Variants in NELL1 observed in about 807,000 individuals in gnomAD.
NELL1 encodes protein kinase C-binding protein NELL1.
A neutral mutation model predicts 107.4 loss-of-function variants in NELL1; 76 were observed. That is an observed-to-expected ratio of 0.71 (90% CI 0.59 to 0.86). The LOEUF is 0.86. Among genes scored for constraint, NELL1 ranks in the 40% least tolerant of loss-of-function variants. The pLI is 0.00. For missense variants in NELL1, 1,024 were observed against 1,005.5 expected (o/e 1.02, Z -0.25); for synonymous variants, 353 against 341.2 (o/e 1.03, Z -0.38).
chr11:21,118,347 G>A (rs1299034342), intron 13 of NELL1, among the ~76,000 whole-genome samples: 1 of 151,988 alleles, frequency 6.6e-6, no homozygotes, highest in Non-Finnish European at 1.5e-5. Flanking sequence ...CCAGATTCAA[G>A]GACCTTCATT....
chr11:21,157,633 A>G (rs1214495681), intron 13 of NELL1, among the ~76,000 whole-genome samples: 2 of 152,134 alleles, frequency 1.3e-5, no homozygotes, highest in African/African-American at 4.8e-5. Flanking sequence ...TTGAATTCCT[A>G]TTTCTGGCAT....
intron 5 of NELL1, among the ~76,000 whole-genome samples, chr11:20,902,856 CA>C (rs1164074429): frequency 2.0e-5 from 3 of 151,894 alleles, no homozygotes; most frequent in Non-Finnish European, 4.4e-5. Flanking sequence ...GATAAAATTA[CA>C]GTATTAAATC....
rs146296836 is a variant in NELL1, at chr11:21,137,257, G to T, written c.1426+23543G>T. Among the ~76,000 whole-genome samples the T allele has an allele frequency of 4.8e-3, 737 of 152,340 alleles. 5 individuals carry two copies. The highest frequency in any genetic ancestry group is 0.016 in the African/African-American group (659 of 41,580). On this transcript the variant is annotated intron_variant, in intron 13 of 19. Coordinates refer to ENST00000357134, the MANE Select transcript of NELL1 (RefSeq NM_006157.5). ...TTAGAGAAAAGGGTATACGACCAGT[G>T]TCCTGGAGGAGAACCCCATGTAGAG... is the stretch of plus-strand genomic sequence containing the variant.
chr11:20,954,406 G>C (rs999326411), intron 11 of NELL1, among the ~76,000 whole-genome samples: 6 of 151,980 alleles, frequency 3.9e-5, no homozygotes, highest in African/African-American at 1.5e-4. Flanking sequence ...ACAGTTTTTT[G>C]TTATCTTGAA....
At chr11:21,393,475 G>A (rs1851922431) in intron 15 of NELL1, among the ~76,000 whole-genome samples, 1 of 151,780 alleles carries the variant, frequency 6.6e-6, no homozygotes, top group South Asian at 2.1e-4. Flanking sequence ...AAAATTCTGT[G>A]GCTGATGAGC....
At chr11:20,729,120 T>C (rs1855571685) in intron 2 of NELL1, among the ~76,000 whole-genome samples, 1 of 87,558 alleles carries the variant, frequency 1.1e-5, no homozygotes, top group Non-Finnish European at 2.4e-5. Context: ...ATTATTGGTA[T>C]ATAAAAATGC....
intron 15 of NELL1, among the ~76,000 whole-genome samples, chr11:21,463,393 A>G (rs1220227840): frequency 6.6e-6 from 1 of 152,134 alleles, no homozygotes; most frequent in Non-Finnish European, 1.5e-5. Flanking sequence ...CTCATCAATC[A>G]GGGTCAAAGA....
At chr11:21,298,954 C>T (rs1849434943) in intron 14 of NELL1, among the ~76,000 whole-genome samples, 3 of 151,926 alleles carry the variant, frequency 2.0e-5, no homozygotes, top group South Asian at 4.1e-4. Context: ...CTAGAGCACT[C>T]CAGAAGTGGG....
intron 19 of NELL1, 137 bp from the exon 20 acceptor site, chr11:21,574,834 AT>A (rs1161019873): frequency 8.8e-6 from 6 of 680,248 alleles, no homozygotes; most frequent in Admixed American, 2.7e-5. Flanking sequence ...TTTTCCTAGC[AT>A]TTTTTTCTAG....
chr11:21,360,165 C>G (rs1851040512), intron 14 of NELL1, among the ~76,000 whole-genome samples: 1 of 151,940 alleles, frequency 6.6e-6, no homozygotes, highest in Non-Finnish European at 1.5e-5. Flanking sequence ...TTTGCTGTAT[C>G]CTAGAGATTC....
At chr11:21,110,328 G>A (rs765097239) in intron 12 of NELL1, among the ~76,000 whole-genome samples, 6 of 152,148 alleles carry the variant, frequency 3.9e-5, no homozygotes, top group East Asian at 1.9e-4. Flanking sequence ...TCAATGACAT[G>A]TAGAGAGCAA....
At chr11:21,188,683 G>C (rs1395128212) in intron 13 of NELL1, among the ~76,000 whole-genome samples, 1 of 151,824 alleles carries the variant, frequency 6.6e-6, no homozygotes. Flanking sequence ...AAGAACAGAT[G>C]TGCAAATTAG....
At chr11:20,675,093 A>T (rs1590196408) in intron 1 of NELL1, among the ~76,000 whole-genome samples, 2 of 152,124 alleles carry the variant, frequency 1.3e-5, no homozygotes, top group South Asian at 4.2e-4. Flanking sequence ...GGACCAGTGG[A>T]CCAGCCGGGA....
At chr11:21,245,734 TAA>T (rs143336934) in intron 14 of NELL1, among the ~76,000 whole-genome samples, 2,313 of 152,266 alleles carry the variant, frequency 0.015, 62 homozygotes, top group African/African-American at 0.053. Flanking sequence ...AAACATGCAA[TAA>T]AATAGTTGTG....
At chr11:21,425,630 T>A (rs149956141) in intron 15 of NELL1, among the ~76,000 whole-genome samples, 371 of 152,252 alleles carry the variant, frequency 2.4e-3, no homozygotes, top group African/African-American at 8.2e-3. Context: ...AGGAAACCAA[T>A]TGTGCTATAG....
At chr11:21,463,578 T>C (rs1031797725) in intron 15 of NELL1, among the ~76,000 whole-genome samples, 9 of 152,074 alleles carry the variant, frequency 5.9e-5, no homozygotes, top group East Asian at 1.9e-4. Flanking sequence ...TTTGACAGAG[T>C]ATCCCCTAAT....
chr11:21,549,936 C>G (rs1484539311), intron 16 of NELL1, among the ~76,000 whole-genome samples: 1 of 151,590 alleles, frequency 6.6e-6, no homozygotes, highest in East Asian at 2.0e-4. Flanking sequence ...AAGAGTGAGG[C>G]AGGGGCTTCA....
intron 3 of NELL1, among the ~76,000 whole-genome samples, chr11:20,818,563 A>T (rs1857678807): frequency 6.6e-6 from 1 of 152,184 alleles, no homozygotes. Flanking sequence ...GACATTTAAT[A>T]TTTGAACTGG....
rs879796518 is a variant in NELL1 at position 21,372,279 on chromosome 11, G to GA, written c.1645+1341dup. On this transcript the variant is annotated intron_variant, in intron 15 of 19. Coordinates refer to ENST00000357134, the MANE Select transcript of NELL1 (RefSeq NM_006157.5). ...TAATTTTAAGTAGGTTTTTTAAAATGAAAAAAAAAACAAAAACTAAAAGAT... is the reference window on the plus strand; with the variant it reads ...TAATTTTAAGTAGGTTTTTTAAAATGAAAAAAAAAAACAAAAACTAAAAGAT... 9.0e-3 allele frequency among the ~76,000 whole-genome samples: 1,273 copies of GA among 141,860 alleles called. 18 individuals are homozygous for GA. The highest frequency in any genetic ancestry group is 0.026 in the African/African-American group (999 of 38,714). 93.1% of individuals were successfully genotyped at this position (141,860 alleles called of 152,430 possible).
Sources: allele counts gnomAD v4.1 joint callset (sites outside exome capture counted in the v4.1 genomes callset), GRCh38; gene constraint gnomAD v4.1.1; transcripts MANE v1.5; gene names NCBI Gene and HGNC (gene_info 2026-07-23, HGNC 2026-07-21).